AP3B1: variants seen among roughly 807,000 people sequenced by gnomAD.
AP3B1 encodes AP-3 complex subunit beta-1.
In AP3B1, 61 loss-of-function variants were observed where a neutral mutation model predicts 132.5. The observed-to-expected ratio is 0.46, with a 90% CI of 0.37 to 0.57. The LOEUF is 0.57. Among genes scored for constraint, AP3B1 ranks in the 20% least tolerant of loss-of-function variants. The probability of loss-of-function intolerance (pLI) is 0.00; values close to 1 mark genes in which losing one functional copy is unlikely to be tolerated. For missense variants in AP3B1, 1,120 were observed against 1,289.4 expected (o/e 0.87, Z 2.01); for synonymous variants, 388 against 438.3 (o/e 0.89, Z 1.43).
At chr5:78,047,034 TC>T (rs1461283378) in intron 22 of AP3B1, among the ~76,000 whole-genome samples, 176 of 152,360 alleles carry the variant, frequency 1.2e-3, no homozygotes, top group African/African-American at 4.0e-3. Context: ...CATGAACTCA[TC>T]CTTTTTTATG....
At chr5:78,178,806 T>C (rs1478384278) in intron 8 of AP3B1, among the ~76,000 whole-genome samples, 1 of 152,146 alleles carries the variant, frequency 6.6e-6, no homozygotes, top group East Asian at 1.9e-4. Flanking sequence ...GCCTGGTCTA[T>C]GAAGTTTGAA....
At chr5:78,083,007 G>A (rs1750082455) in intron 22 of AP3B1, among the ~76,000 whole-genome samples, 1 of 152,008 alleles carries the variant, frequency 6.6e-6, no homozygotes, top group African/African-American at 2.4e-5. Flanking sequence ...AGTAGAAACG[G>A]GGTTTCACCA....
intron 2 of AP3B1, among the ~76,000 whole-genome samples, chr5:78,253,663 G>A (rs548965485): frequency 1.3e-5 from 2 of 152,126 alleles, no homozygotes; most frequent in Non-Finnish European, 2.9e-5. Context: ...ATCAGAGAAG[G>A]AATTAAGAAT....
intron 7 of AP3B1, among the ~76,000 whole-genome samples, chr5:78,197,284 G>GA (rs373082531): frequency 8.6e-4 from 127 of 148,394 alleles, no homozygotes; most frequent in Middle Eastern, 3.5e-3. Context: ...TAATGCTAGT[G>GA]AAAAAAAAAA....
At chr5:78,074,944 G>A (rs912095088) in intron 22 of AP3B1, among the ~76,000 whole-genome samples, 2 of 152,040 alleles carry the variant, frequency 1.3e-5, no homozygotes, top group Non-Finnish European at 2.9e-5. Context: ...AAAAAAAAAA[G>A]ATGATTCTTC....
intron 1 of AP3B1, among the ~76,000 whole-genome samples, chr5:78,281,434 CA>C (rs36002317): frequency 0.25 from 17,085 of 68,528 alleles, 496 homozygotes; most frequent in Middle Eastern, 0.33. Context: ...AACTCTGCCT[CA>C]AAAAAAAAAA....
Position 78,294,530 on chromosome 5 carries a change from G to A in AP3B1, c.50C>T (p.Ala17Val). 1.2e-6 allele frequency: 2 copies of A among 1,614,228 alleles called. No homozygotes were observed. Among genetic ancestry groups the A allele is most frequent in the East Asian group, 2.2e-5 (1 of 44,890 alleles). ...GGTCGCCTCCTGACCCAGCTCCGTCGCCTCCCCTCCTCCGGACTGCTCATT... is the reference window on the plus strand; with the variant it reads ...GGTCGCCTCCTGACCCAGCTCCGTCACCTCCCCTCCTCCGGACTGCTCATT... ...PYNEQSGGGE[A>V]TELGQEATST... Residue 17 changes from alanine to valine, a missense_variant, in exon 1 of 27, where the codon GCG becomes GTG. Ala to Val is a moderately conservative substitution (Grantham distance 64). Around this residue, in one of 3 missense-constraint regions of AP3B1, gnomAD observed 85 missense variants for 79.9 expected, o/e 1.06. Coordinates refer to ENST00000255194, the MANE Select transcript of AP3B1 (RefSeq NM_003664.5).
At chr5:78,222,303 T>A (rs968525637) in intron 6 of AP3B1, 1 of 153,450 alleles carries the variant, frequency 6.5e-6, no homozygotes, top group Non-Finnish European at 1.5e-5. Flanking sequence ...CAAGGTGAAA[T>A]TGAACAATAT....
In AP3B1 at chr5:78,114,395, T is replaced by C. The variant is rs189621449; in HGVS notation, c.2078-472A>G. 1.0e-3 allele frequency among the ~76,000 whole-genome samples: 158 copies of C among 152,210 alleles called. 1 individual carries two copies. The highest frequency in any genetic ancestry group is 3.7e-3 in the African/African-American group (155 of 41,546). On this transcript the variant is annotated intron_variant, in intron 18 of 26. Coordinates refer to ENST00000255194, the MANE Select transcript of AP3B1 (RefSeq NM_003664.5). ...GAGGAAAATGAGCCATTCAAATCAC[T>C]TGGAAAGACCTCCAAATTCAAAGAC...
chr5:78,041,087 C>T (rs1748063779), intron 22 of AP3B1, among the ~76,000 whole-genome samples: 1 of 151,870 alleles, frequency 6.6e-6, no homozygotes, highest in African/African-American at 2.4e-5. Flanking sequence ...CCAGCCTGAT[C>T]AACATGGAGA....
intron 23 of AP3B1, among the ~76,000 whole-genome samples, chr5:78,037,249 T>C (rs1747844071): frequency 6.6e-6 from 1 of 152,194 alleles, no homozygotes; most frequent in Non-Finnish European, 1.5e-5. Context: ...TGGATAACAT[T>C]CTCAACCTTC....
intron 22 of AP3B1, among the ~76,000 whole-genome samples, chr5:78,069,367 A>G (rs1749434545): frequency 6.6e-6 from 1 of 152,228 alleles, no homozygotes; most frequent in Admixed American, 6.5e-5. Flanking sequence ...ATCTCAGCCC[A>G]AAAGCTTCTT....
At chr5:78,269,131 C>A (rs1748449395) in intron 1 of AP3B1, among the ~76,000 whole-genome samples, 1 of 152,124 alleles carries the variant, frequency 6.6e-6, no homozygotes, top group Non-Finnish European at 1.5e-5. Flanking sequence ...ATCTTAGATA[C>A]TATTTTGTTA....
At chr5:78,117,237 G>T (rs1207000617) in intron 17 of AP3B1, among the ~76,000 whole-genome samples, 5 of 109,014 alleles carry the variant, frequency 4.6e-5, no homozygotes, top group African/African-American at 7.1e-5. Context: ...CAATCTACTT[G>T]TTTTTTTAAC....
intron 6 of AP3B1, among the ~76,000 whole-genome samples, chr5:78,223,724 A>G (rs1460225711): frequency 1.3e-5 from 2 of 152,218 alleles, no homozygotes; most frequent in African/African-American, 4.8e-5. Flanking sequence ...CGACACAAAC[A>G]GCAAATTTAT....
rs1743210757 is a variant in AP3B1 at position 78,157,756 on chromosome 5, C to CT, written c.1364-1390dup. 2.1e-5 allele frequency among the ~76,000 whole-genome samples: 3 copies of CT among 145,254 alleles called. No individual in the cohort carries two copies. In the Admixed American group the frequency reaches 2.2e-4, roughly 10 times the overall value. On this transcript the variant is annotated intron_variant, in intron 13 of 26. Transcript: ENST00000255194. ...AAATACCATAATTTGTGTCCTATTA[C>CT]TCTTTTTTTTTGAGACAGAGTCTTG... is the stretch of plus-strand genomic sequence containing the variant.
chr5:78,294,421 C>G (rs1311088503), intron 1 of AP3B1, 31 bp downstream of exon 1: 1 of 1,613,654 alleles, frequency 6.2e-7, no homozygotes, highest in East Asian at 2.2e-5. Flanking sequence ...CTCCTCCCTC[C>G]CATCCCCGCA....
intron 22 of AP3B1, among the ~76,000 whole-genome samples, chr5:78,046,210 CAGG>C (rs1356368160): frequency 1.3e-5 from 2 of 152,108 alleles, no homozygotes; most frequent in African/African-American, 4.8e-5. Context: ...GGCCGCACAG[CAGG>C]AGGTGAGTGG....
intron 1 of AP3B1, among the ~76,000 whole-genome samples, chr5:78,290,147 G>A (rs1164309072): frequency 1.3e-5 from 2 of 152,180 alleles, no homozygotes; most frequent in Non-Finnish European, 2.9e-5. Context: ...AGGAAACTGA[G>A]GTTTGAAGAG....
Sources: allele counts gnomAD v4.1 joint callset (sites outside exome capture counted in the v4.1 genomes callset), GRCh38; gene constraint gnomAD v4.1.1; regional missense constraint gnomAD v4.1.1; transcripts MANE v1.5; gene names NCBI Gene and HGNC (gene_info 2026-07-23, HGNC 2026-07-21).